ZEB2: variants seen among roughly 807,000 people sequenced by gnomAD.
ZEB2 encodes zinc finger E-box binding homeobox 2, also known as zinc finger E-box-binding homeobox 2.
ZEB2 carries 6 observed loss-of-function variants against 99.9 expected under a neutral mutation model. The ratio of observed to expected loss-of-function variants is 0.06; its 90% CI spans 0.03 to 0.12. The LOEUF (loss-of-function observed/expected upper bound fraction) is 0.12, where lower values mean the gene tolerates loss of function less well. Among genes scored for constraint, ZEB2 ranks in the 10% least tolerant of loss-of-function variants. The probability of loss-of-function intolerance (pLI) is 1.00; values close to 1 mark genes in which losing one functional copy is unlikely to be tolerated. For synonymous variants in ZEB2, 517 were observed against 542.5 expected (o/e 0.95, Z 0.65); for missense variants, 969 against 1,502.8 (o/e 0.64, Z 5.87).
chr2:144,440,672 G>T (rs903093286), intron 2 of ZEB2, among the ~76,000 whole-genome samples: 13 of 151,636 alleles, frequency 8.6e-5, no homozygotes, highest in African/African-American at 2.7e-4. Context: ...TTCTACTTTA[G>T]TACAGGGAGG....
intron 2 of ZEB2, chr2:144,462,851 T>G (rs1324352873): frequency 6.6e-6 from 1 of 152,168 alleles, no homozygotes; most frequent in African/African-American, 2.4e-5. Context: ...GTATAATTTT[T>G]AACTGAAGAA....
At chr2:144,458,919 G>A (rs1256830572) in intron 2 of ZEB2, among the ~76,000 whole-genome samples, 6 of 152,140 alleles carry the variant, frequency 3.9e-5, no homozygotes, top group African/African-American at 2.4e-5. Flanking sequence ...ACGTAAGCTC[G>A]GATGTATTTA....
chr2:144,477,130 A>G (rs928777467), intron 2 of ZEB2, among the ~76,000 whole-genome samples: 1 of 152,214 alleles, frequency 6.6e-6, no homozygotes, highest in Non-Finnish European at 1.5e-5. Flanking sequence ...CTCTATGAAA[A>G]TGGGCACTAC....
At chr2:144,448,021 A>G (rs538106654) in intron 2 of ZEB2, among the ~76,000 whole-genome samples, 77 of 152,182 alleles carry the variant, frequency 5.1e-4, no homozygotes, top group Middle Eastern at 3.2e-3. Context: ...TGAAGGTTAC[A>G]TGTAAAGCAC....
In ZEB2 at chr2:144,429,776, A is replaced by G. The variant is rs148117680; in HGVS notation, c.324T>C (p.Asp108=). The change falls in exon 3 of 10, where the codon GAT becomes GAC. Residue 108 remains aspartate, a synonymous_variant. Transcript: ENST00000627532. ...GTGATTTTAGACACTTACCTGGACCATCTACAGAGGCTTGTAGAATCTCGT... is the reference window on the plus strand; with the variant it reads ...GTGATTTTAGACACTTACCTGGACCGTCTACAGAGGCTTGTAGAATCTCGT... The part of the protein sequence containing the change: ...HNNEILQASV[D]GPEEMKEDYD... The G allele has an allele frequency of 1.2e-6, 2 of 1,613,720 alleles. No homozygotes were observed. The highest frequency in any genetic ancestry group is 1.7e-5 in the Admixed American group (1 of 59,964).
chr2:144,396,389 C>T lies in ZEB2; in HGVS notation c.3067+23G>A. On this transcript the variant is annotated intron_variant, in intron 9 of 9. Transcript: ENST00000627532. ...GTACAGCAGGACGGGAAGCTCTAAC[C>T]AGTTAGGCAAAGTCACTCATACCTG... 2.5e-6 allele frequency: 4 copies of T among 1,612,416 alleles called. No homozygotes were observed. In the South Asian group the frequency reaches 3.3e-5, roughly 13 times the overall value.
At chr2:144,430,148 A>C (rs1703750719) in intron 2 of ZEB2, 122 bp from the exon 3 acceptor site, 1 of 1,367,546 alleles carries the variant, frequency 7.3e-7, no homozygotes, top group Non-Finnish European at 1.0e-6. Flanking sequence ...CAACCATGTC[A>C]GGAAAATATA....
chr2:144,415,517 T>C (rs985710993), intron 4 of ZEB2, among the ~76,000 whole-genome samples: 33 of 152,316 alleles, frequency 2.2e-4, no homozygotes, highest in African/African-American at 7.7e-4. Context: ...TCAGACTAAA[T>C]GAAACTGTGT....
chr2:144,392,412 A>G (rs866231648), intron 9 of ZEB2, among the ~76,000 whole-genome samples: 1 of 152,268 alleles, frequency 6.6e-6, no homozygotes, highest in African/African-American at 2.4e-5. Flanking sequence ...GGGCATGCCC[A>G]CTAAACTGCA....
At chr2:144,404,807 C>T in intron 5 of ZEB2, 29 bp downstream of exon 5, 1 of 1,610,260 alleles carries the variant, frequency 6.2e-7, no homozygotes, top group South Asian at 1.1e-5. Flanking sequence ...GAGGTCAGTG[C>T]AGTGGCTAAA....
chr2:144,519,894 CA>C, intron 1 of ZEB2, 44 bp downstream of exon 1: 1 of 420,772 alleles, frequency 2.4e-6, no homozygotes, highest in Non-Finnish European at 4.7e-6. Flanking sequence ...ACGAGCACAC[CA>C]AAAAGGGATA....
At chr2:144,414,948 A>ATGTGTCTG (rs1703518244) in intron 4 of ZEB2, among the ~76,000 whole-genome samples, 3 of 147,900 alleles carry the variant, frequency 2.0e-5, no homozygotes, top group South Asian at 4.2e-4. Flanking sequence ...TTCAGAGTGT[A>ATGTGTCTG]TGTGTGTGTG....
At chr2:144,398,218 T>TA (rs1352164582) in intron 8 of ZEB2, 83 bp downstream of exon 8, 1 of 1,561,396 alleles carries the variant, frequency 6.4e-7, no homozygotes, top group East Asian at 2.3e-5. Context: ...GTTTTTTCAC[T>TA]AAGATTTTTT....
chr2:144,487,484 G>T (rs1704615012), intron 2 of ZEB2, among the ~76,000 whole-genome samples: 4 of 151,996 alleles, frequency 2.6e-5, no homozygotes, highest in Admixed American at 2.6e-4. Context: ...GAGAAAAAAA[G>T]AAGAGAAAAA....
At chr2:144,517,129 T>TCCGGCG (rs1705165262) in intron 2 of ZEB2, 149 bp downstream of exon 2, 2 of 792,396 alleles carry the variant, frequency 2.5e-6, no homozygotes, top group Non-Finnish European at 3.5e-6. Flanking sequence ...CGCGCCGGGC[T>TCCGGCG]CCGGCGCCGG....
intron 2 of ZEB2, among the ~76,000 whole-genome samples, chr2:144,467,860 A>T (rs867522217): frequency 6.6e-6 from 1 of 152,314 alleles, no homozygotes; most frequent in South Asian, 2.1e-4. Flanking sequence ...ACAAATCAGA[A>T]GATAGCAATG....
At chr2:144,448,318 A>G (rs1231141209) in intron 2 of ZEB2, among the ~76,000 whole-genome samples, 1 of 152,196 alleles carries the variant, frequency 6.6e-6, no homozygotes, top group African/African-American at 2.4e-5. Flanking sequence ...GGCATCCCAG[A>G]CACTAAACTA....
chr2:144,488,557 A>G (rs1029529463), intron 2 of ZEB2, among the ~76,000 whole-genome samples: 1 of 151,924 alleles, frequency 6.6e-6, no homozygotes, highest in Admixed American at 6.6e-5. Context: ...AAAATCCATG[A>G]CTTTTTTTTT....
At chr2:144,460,075 A>C (rs1704171673) in intron 2 of ZEB2, among the ~76,000 whole-genome samples, 1 of 152,192 alleles carries the variant, frequency 6.6e-6, no homozygotes, top group Non-Finnish European at 1.5e-5. Context: ...CAAAGGTCAC[A>C]TCCTGAACAA....
Sources: allele counts gnomAD v4.1 joint callset (sites outside exome capture counted in the v4.1 genomes callset), GRCh38; gene constraint gnomAD v4.1.1; transcripts MANE v1.5; gene names NCBI Gene and HGNC (gene_info 2026-07-23, HGNC 2026-07-21).